Variants in EFCAB13 observed in about 807,000 individuals in gnomAD.
EFCAB13 encodes EF-hand calcium binding domain 13.
Under a neutral mutation model 110.2 loss-of-function variants are expected in EFCAB13, and 91 were observed. That is an observed-to-expected ratio of 0.83 (90% CI 0.70 to 0.98). The LOEUF (loss-of-function observed/expected upper bound fraction) is 0.98, where lower values mean the gene tolerates loss of function less well. Ranked by LOEUF, EFCAB13 falls within the 50% of genes least tolerant of loss-of-function variation. The pLI, the probability that EFCAB13 is intolerant of heterozygous loss-of-function variation, is 0.00. For synonymous variants in EFCAB13, 323 were observed against 369.9 expected, an observed-to-expected ratio of 0.87 and a Z score of 1.45; for missense variants, 968 against 1,119.4, an observed-to-expected ratio of 0.86 and a Z score of 1.93.
At chr17:47,355,966 C>G (rs2065478619) in intron 9 of EFCAB13, among the ~76,000 whole-genome samples, 1 of 152,024 alleles carries the variant, frequency 6.6e-6, no homozygotes, top group African/African-American at 2.4e-5. Flanking sequence ...GAAGTTTTTT[C>G]TTCTACTTAT....
chr17:47,360,419 G>C (rs921535644), intron 9 of EFCAB13, among the ~76,000 whole-genome samples: 72 of 152,130 alleles, frequency 4.7e-4, no homozygotes, highest in Non-Finnish European at 8.1e-4. Flanking sequence ...CTGCATAAAT[G>C]TCTTCTTTTG....
At chr17:47,408,680 G>A (rs2065818271) in intron 20 of EFCAB13, among the ~76,000 whole-genome samples, 2 of 152,002 alleles carry the variant, frequency 1.3e-5, no homozygotes, top group African/African-American at 4.8e-5. Flanking sequence ...AAAATAAAAA[G>A]TATAATCAAA....
chr17:47,409,751 A>T, intron 21 of EFCAB13, 60 bp downstream of exon 21: 1 of 1,278,488 alleles, frequency 7.8e-7, no homozygotes. Flanking sequence ...TTTTAGAATA[A>T]TTGCCAAGTA....
intron 6 of EFCAB13, among the ~76,000 whole-genome samples, chr17:47,342,328 T>C (rs1054354604): frequency 6.6e-6 from 1 of 152,216 alleles, no homozygotes; most frequent in Non-Finnish European, 1.5e-5. Context: ...ACAGGAACCC[T>C]AGGTGTTCTT....
At chr17:47,325,113 T>G (rs2065274353) in intron 2 of EFCAB13, among the ~76,000 whole-genome samples, 1 of 146,800 alleles carries the variant, frequency 6.8e-6, no homozygotes, top group African/African-American at 2.5e-5. Context: ...TTCAAACTCC[T>G]GGGCTCAAAA....
chr17:47,349,822 C>T (rs912350436), intron 9 of EFCAB13, among the ~76,000 whole-genome samples: 253 of 130,152 alleles, frequency 1.9e-3, no homozygotes, highest in African/African-American at 6.8e-3. Flanking sequence ...GGCTGGACTG[C>T]GGACTGCAGT....
chr17:47,396,179 A>G (rs2065737139), intron 17 of EFCAB13, among the ~76,000 whole-genome samples: 1 of 152,192 alleles, frequency 6.6e-6, no homozygotes, highest in East Asian at 1.9e-4. Flanking sequence ...TATGTAATTT[A>G]TTATTGCTCT....
At chr17:47,335,398 T>A (rs184619365) in intron 5 of EFCAB13, 42 bp downstream of exon 5, 1 of 1,523,470 alleles carries the variant, frequency 6.6e-7, no homozygotes, top group African/African-American at 1.4e-5. Flanking sequence ...AATTATACTT[T>A]TGCAAGTTAA....
At chr17:47,340,766 A>ATTTT (rs58304526) in intron 5 of EFCAB13, among the ~76,000 whole-genome samples, 5 of 54,012 alleles carry the variant, frequency 9.3e-5, no homozygotes, top group African/African-American at 3.7e-4. Flanking sequence ...CACCTGGCTA[A>ATTTT]TTTTTTTTTT....
intron 14 of EFCAB13, among the ~76,000 whole-genome samples, chr17:47,381,501 A>G (rs1246923753): frequency 6.6e-6 from 1 of 152,138 alleles, no homozygotes; most frequent in Middle Eastern, 3.2e-3. Context: ...ACATTTAAGT[A>G]TTTAATCCAT....
Position 47,402,208 on chromosome 17 carries a change from G to C in EFCAB13, c.2017+5G>C, listed in dbSNP as rs1447397652. On this transcript the variant is annotated splice_donor_5th_base_variant and intron_variant, in intron 18 of 24. Transcript: ENST00000331493. ...GTGATGCTGCCAGGTTAGAAGGTAA[G>C]TACTGAATTATTTATAACGGTTAGA... 1.2e-6 allele frequency: 2 copies of C among 1,611,316 alleles called. No individual in the cohort carries two copies. Among genetic ancestry groups the C allele is most frequent in the Non-Finnish European group, 1.7e-6 (2 of 1,177,704 alleles).
chr17:47,397,790 A>C lies in EFCAB13; in HGVS notation c.1945+1813A>C, dbSNP rs1336517088. Among the ~76,000 whole-genome samples the C allele has an allele frequency of 7.4e-5, 11 of 147,782 alleles. No homozygotes were observed. The East Asian group carries it at 2.3e-3, about 31-fold the overall frequency. On this transcript the variant is annotated intron_variant, in intron 17 of 24. Transcript: ENST00000331493. ...CCTCCGCCTGGCAACCGCCCGTCTG[A>C]GAAGTGAGGAGCCCCTCCGCCCGGC...
At chr17:47,325,191 A>C (rs2065274810) in intron 2 of EFCAB13, among the ~76,000 whole-genome samples, 1 of 150,178 alleles carries the variant, frequency 6.7e-6, no homozygotes, top group Non-Finnish European at 1.5e-5. Context: ...TTAAAAAAAA[A>C]ATTCTGTAGA....
chr17:47,358,462 A>G (rs2065493037), intron 9 of EFCAB13, among the ~76,000 whole-genome samples: 1 of 152,136 alleles, frequency 6.6e-6, no homozygotes, highest in Non-Finnish European at 1.5e-5. Flanking sequence ...CTGGTCATTT[A>G]TATATTTTTT....
intron 9 of EFCAB13, among the ~76,000 whole-genome samples, chr17:47,356,805 GTTC>G: frequency 6.6e-6 from 1 of 152,230 alleles, no homozygotes; most frequent in East Asian, 1.9e-4. Context: ...AAGAGATTAT[GTTC>G]TTTGTCTTCT....
intron 23 of EFCAB13, among the ~76,000 whole-genome samples, chr17:47,415,826 C>T (rs2143477499): frequency 6.6e-6 from 1 of 152,128 alleles, no homozygotes. Context: ...ATCTATGTTG[C>T]CTAACCACAT....
intron 4 of EFCAB13, among the ~76,000 whole-genome samples, chr17:47,332,819 T>C (rs2065327529): frequency 6.6e-6 from 1 of 152,230 alleles, no homozygotes; most frequent in Non-Finnish European, 1.5e-5. Context: ...CATCTGTTGA[T>C]GGACACTTAG....
chr17:47,426,105 G>T (rs1298986879), intron 23 of EFCAB13, among the ~76,000 whole-genome samples: 1 of 152,124 alleles, frequency 6.6e-6, no homozygotes. Flanking sequence ...AGTACCCAAA[G>T]AACTGGTAGC....
chr17:47,361,615 C>A, intron 10 of EFCAB13, 94 bp downstream of exon 10: 4 of 1,087,412 alleles, frequency 3.7e-6, no homozygotes, highest in South Asian at 1.9e-5. Flanking sequence ...CTGTCCTTTG[C>A]TTCTCCTTTT....
Sources: allele counts gnomAD v4.1 joint callset (sites outside exome capture counted in the v4.1 genomes callset), GRCh38; gene constraint gnomAD v4.1.1; transcripts MANE v1.5; gene names NCBI Gene and HGNC (gene_info 2026-07-23, HGNC 2026-07-21).